The following MIPOL1 variants were observed in gnomAD, a reference collection of about 807,000 sequenced individuals.
MIPOL1 encodes the protein mirror-image polydactyly gene 1 protein.
In MIPOL1, 57 loss-of-function variants were observed where a neutral mutation model predicts 60.9. That is an observed-to-expected ratio of 0.94 (90% CI 0.76 to 1.17). MIPOL1 has a LOEUF of 1.17. Among genes scored for constraint, MIPOL1 ranks in the 50% most tolerant of loss-of-function variants. MIPOL1 has a pLI of 0.00. For synonymous variants in MIPOL1, 179 were observed against 168.8 expected, an observed-to-expected ratio of 1.06 and a Z score of -0.47; for missense variants, 551 against 511.6, an observed-to-expected ratio of 1.08 and a Z score of -0.74.
intron 12 of MIPOL1, among the ~76,000 whole-genome samples, chr14:37,525,332 T>G (rs564316247): frequency 3.3e-5 from 5 of 152,176 alleles, no homozygotes; most frequent in Non-Finnish European, 7.4e-5. Context: ...AAGGACATCT[T>G]TCTCCGACTT....
intron 10 of MIPOL1, among the ~76,000 whole-genome samples, chr14:37,398,593 C>T (rs555316399): frequency 6.6e-6 from 1 of 152,272 alleles, no homozygotes; most frequent in South Asian, 2.1e-4. Context: ...GAGACTACTT[C>T]AGTTTCTATA....
rs141971497 is a variant in MIPOL1, at chr14:37,480,725, AG to A, written c.1032-19182del. On this transcript the variant is annotated intron_variant, in intron 11 of 12. Transcript: ENST00000684589. The stretch of plus-strand genomic sequence containing the variant: ...TTGCCAGAGCAATTAGGCAAGAGAA[AG>A]AAATAAAAGTCATTCAAATAGGAAA... Among the ~76,000 whole-genome samples, 56 of 152,318 alleles carry A rather than the reference AG, an allele frequency of 3.7e-4. 1 individual carries two copies. The highest frequency in any genetic ancestry group is 1.3e-3 in the African/African-American group (56 of 41,578).
rs569818496 is a variant in MIPOL1, at chr14:37,313,675, A to G, written c.828+5156A>G. Among the ~76,000 whole-genome samples, 9 of 152,300 alleles carry G rather than the reference A, an allele frequency of 5.9e-5. No individual in the cohort carries two copies. In the South Asian group the frequency reaches 6.2e-4, roughly 11 times the overall value. On this transcript the variant is annotated intron_variant, in intron 9 of 12. Coordinates refer to ENST00000684589, the MANE Select transcript of MIPOL1 (RefSeq NM_001388067.1). ...GAAGAAAGTGGTAAATTCTTTATGT[A>G]CATGCGTGTTTGGACTCTATTATAG... is the stretch of plus-strand genomic sequence containing the variant.
At chr14:37,483,817 G>C (rs1260053945) in intron 11 of MIPOL1, among the ~76,000 whole-genome samples, 1 of 152,024 alleles carries the variant, frequency 6.6e-6, no homozygotes, top group African/African-American at 2.4e-5. Context: ...TAAAAATTTT[G>C]TAGAGGCAGG....
intron 12 of MIPOL1, among the ~76,000 whole-genome samples, chr14:37,530,272 C>A (rs927600486): frequency 4.6e-5 from 7 of 152,076 alleles, no homozygotes; most frequent in African/African-American, 1.7e-4. Flanking sequence ...GTCTTTATTT[C>A]AATACTAAGA....
intron 12 of MIPOL1, chr14:37,523,594 C>A: frequency 2.5e-6 from 1 of 397,316 alleles, no homozygotes; most frequent in South Asian, 8.6e-5. Flanking sequence ...ATTTTTCTGT[C>A]ATAATTATAA....
intron 11 of MIPOL1, chr14:37,434,364 AT>A: frequency 6.6e-6 from 1 of 151,928 alleles, no homozygotes; most frequent in East Asian, 1.9e-4. Context: ...TCCTTCGCTC[AT>A]TTTTTGATGA....
At chr14:37,470,522 G>GATGT (rs1261208276) in intron 11 of MIPOL1, among the ~76,000 whole-genome samples, 12 of 152,186 alleles carry the variant, frequency 7.9e-5, no homozygotes, top group African/African-American at 2.9e-4. Flanking sequence ...GCCATGTGAA[G>GATGT]ATGTGCCTGC....
chr14:37,448,785 T>C (rs554328228), intron 11 of MIPOL1, among the ~76,000 whole-genome samples: 9 of 152,194 alleles, frequency 5.9e-5, no homozygotes, highest in Non-Finnish European at 1.0e-4. Context: ...TTAATTATAC[T>C]AAAAAACAAA....
intron 7 of MIPOL1, among the ~76,000 whole-genome samples, chr14:37,288,021 T>C (rs576819064): frequency 2.0e-5 from 3 of 152,196 alleles, no homozygotes; most frequent in Non-Finnish European, 4.4e-5. Flanking sequence ...AAAATTAATA[T>C]AAGTAGAGAG....
At chr14:37,475,209 C>T (rs1441458986) in intron 11 of MIPOL1, among the ~76,000 whole-genome samples, 1 of 152,078 alleles carries the variant, frequency 6.6e-6, no homozygotes, top group Non-Finnish European at 1.5e-5. Context: ...AAGTGGTCCA[C>T]CCGCTTCTGC....
intron 7 of MIPOL1, among the ~76,000 whole-genome samples, chr14:37,299,060 AATG>A (rs1360916636): frequency 2.0e-5 from 3 of 152,088 alleles, no homozygotes; most frequent in African/African-American, 7.2e-5. Context: ...AATGTCCAAC[AATG>A]ATAGACTGGT....
intron 6 of MIPOL1, among the ~76,000 whole-genome samples, chr14:37,282,558 A>G (rs1475362878): frequency 6.6e-6 from 1 of 151,704 alleles, no homozygotes; most frequent in Non-Finnish European, 1.5e-5. Flanking sequence ...TGGCCAACAC[A>G]GTGAGACCTT....
At chr14:37,226,315 T>G (rs1219892635) in intron 1 of MIPOL1, among the ~76,000 whole-genome samples, 1 of 152,206 alleles carries the variant, frequency 6.6e-6, no homozygotes, top group Non-Finnish European at 1.5e-5. Context: ...CACCCAAGAC[T>G]GGGCAATTTA....
chr14:37,540,987 G>A (rs1034925309), intron 12 of MIPOL1, among the ~76,000 whole-genome samples: 7 of 152,024 alleles, frequency 4.6e-5, no homozygotes, highest in African/African-American at 1.7e-4. Context: ...ATGAGTTTCA[G>A]GCATCTCATT....
rs187282059 is a variant in MIPOL1, at chr14:37,200,602, T to C, written c.-199+2498T>C. On this transcript the variant is annotated intron_variant, in intron 1 of 12. Transcript: ENST00000684589. ...TTACTGTTTACATTGAGTTGGGTTT[T>C]GGTTTGTTTACATAGGAACCCAAAG... Among the ~76,000 whole-genome samples the C allele has an allele frequency of 1.5e-4, 23 of 152,206 alleles. No individual in the cohort carries two copies. The East Asian group carries it at 4.3e-3, about 28-fold the overall frequency.
At chr14:37,448,302 C>T (rs1192663046) in intron 11 of MIPOL1, among the ~76,000 whole-genome samples, 1 of 152,130 alleles carries the variant, frequency 6.6e-6, no homozygotes, top group Non-Finnish European at 1.5e-5. Context: ...GTGTAGAGAT[C>T]ATTGCAGAAG....
At chr14:37,489,713 T>C (rs201400556) in intron 11 of MIPOL1, among the ~76,000 whole-genome samples, 5 of 152,238 alleles carry the variant, frequency 3.3e-5, no homozygotes, top group African/African-American at 1.2e-4. Flanking sequence ...GCCCCTCTGC[T>C]GCAGGTCTGC....
At chr14:37,361,878 T>TCAAAA (rs2092276158) in intron 9 of MIPOL1, among the ~76,000 whole-genome samples, 2 of 152,136 alleles carry the variant, frequency 1.3e-5, no homozygotes, top group Non-Finnish European at 2.9e-5. Context: ...AAGTGCTGTT[T>TCAAAA]GTCTCTTTTG....
Sources: allele counts gnomAD v4.1 joint callset (sites outside exome capture counted in the v4.1 genomes callset), GRCh38; gene constraint gnomAD v4.1.1; transcripts MANE v1.5; gene names NCBI Gene and HGNC (gene_info 2026-07-23, HGNC 2026-07-21).